MAPK1IP1L: variants seen among roughly 807,000 people sequenced by gnomAD.
MAPK1IP1L encodes the protein MAPK-interacting and spindle-stabilizing protein-like.
Under a neutral mutation model 18.1 loss-of-function variants are expected in MAPK1IP1L, and 10 were observed. The observed-to-expected ratio is 0.55, with a 90% CI of 0.34 to 0.94. The LOEUF is 0.94. Among genes scored for constraint, MAPK1IP1L ranks in the 40% least tolerant of loss-of-function variants. The pLI is 0.02. For synonymous variants in MAPK1IP1L, 115 were observed against 117.3 expected (o/e 0.98, Z 0.13); for missense variants, 260 against 318.2 (o/e 0.82, Z 1.39).
rs1416584636 is a variant in MAPK1IP1L, at chr14:55,067,894, GAA to G, written c.*3268_*3269del. 2 of 152,210 alleles carry G rather than the reference GAA, an allele frequency of 1.3e-5. No individual in the cohort carries two copies. Among genetic ancestry groups the G allele is most frequent in the African/African-American group, 4.8e-5 (2 of 41,452 alleles). The allele number at this position is 152,210 out of a possible 1,614,324, so 9.4% of individuals were successfully genotyped here. A position where few individuals can be genotyped will look rare whatever the true frequency, so the allele number is the denominator to read the frequency against. ...TAATGGAAATAGTTGAGGTGTTCAG[GAA>G]TGCTGTTTCTTGGAGTTGGAAGCTT... On this transcript the variant is annotated 3_prime_UTR_variant, in exon 4 of 4. Transcript: ENST00000395468.
chr14:55,059,225 G>GAAAAAAAAAAAAAAAAAAAGAAAAATTAA (rs2042795688), intron 1 of MAPK1IP1L, among the ~76,000 whole-genome samples: 1 of 63,280 alleles, frequency 1.6e-5, no homozygotes. Context: ...AGGAAAATCT[G>GAAAAAAAAAAAAAAAAAAAGAAAAATTAA]AAAAAAAAAA....
chr14:55,065,462 C>T lies in MAPK1IP1L; in HGVS notation c.*835C>T, dbSNP rs1325140356. On this transcript the variant is annotated 3_prime_UTR_variant, in exon 4 of 4. Transcript: ENST00000395468. The stretch of plus-strand genomic sequence containing the variant: ...TGTTTTGAACCTCAAACTAGATAAA[C>T]CCTAGGAATTGCTTAACTGCAACAA... 6.6e-6 allele frequency: 1 copy of T among 152,048 alleles called. No individual in the cohort carries two copies. The highest frequency in any genetic ancestry group is 1.5e-5 in the Non-Finnish European group (1 of 68,014). 9.4% of individuals were successfully genotyped at this position (152,048 alleles called of 1,614,324 possible).
At chr14:55,053,737 G>T (rs1208111558) in intron 1 of MAPK1IP1L, among the ~76,000 whole-genome samples, 2 of 151,978 alleles carry the variant, frequency 1.3e-5, no homozygotes, top group African/African-American at 4.8e-5. Context: ...TTTCCCTAGG[G>T]CCCATTTCAC....
intron 1 of MAPK1IP1L, among the ~76,000 whole-genome samples, chr14:55,055,389 A>G (rs1282830800): frequency 6.6e-6 from 1 of 152,192 alleles, no homozygotes; most frequent in Non-Finnish European, 1.5e-5. Context: ...ACAAATTGGA[A>G]TGCTTCCAAT....
In MAPK1IP1L at chr14:55,063,326, G is replaced by A; in HGVS notation, c.726+1G>A. ...TCCACCAATGCCTGGTGGCCCCCAT[G>A]TGAGTGTTCAATTTGTTATTTAAAG... On this transcript the variant is annotated splice_donor_variant, in intron 3 of 3. Coordinates refer to ENST00000395468, the MANE Select transcript of MAPK1IP1L (RefSeq NM_144578.4). LOFTEE classifies it high-confidence loss of function. 6.3e-7 allele frequency: 1 copy of A among 1,599,740 alleles called. No individual in the cohort carries two copies. The highest frequency in any genetic ancestry group is 1.3e-5 in the African/African-American group (1 of 74,572).
chr14:55,068,762 T>C lies in MAPK1IP1L; in HGVS notation c.*4135T>C, dbSNP rs528418258. On this transcript the variant is annotated 3_prime_UTR_variant, in exon 4 of 4. Transcript: ENST00000395468. Reference sequence around the variant, plus strand: ...AATAAAATAATCAGTATTTTGTAAATGGCAGGCAAGCTTCTGGCTGTCGAA... The same window carrying C: ...AATAAAATAATCAGTATTTTGTAAACGGCAGGCAAGCTTCTGGCTGTCGAA... 1 of 152,360 alleles carries C rather than the reference T, an allele frequency of 6.6e-6. No individual in the cohort carries two copies. Among genetic ancestry groups the C allele is most frequent in the South Asian group, 2.1e-4 (1 of 4,830 alleles). 9.4% of individuals were successfully genotyped at this position (152,360 alleles called of 1,614,324 possible). A position where few individuals can be genotyped will look rare whatever the true frequency, so the allele number is the denominator to read the frequency against.
chr14:55,069,815 A>G lies in MAPK1IP1L; in HGVS notation c.*5188A>G, dbSNP rs956266866. On this transcript the variant is annotated 3_prime_UTR_variant, in exon 4 of 4. Coordinates refer to ENST00000395468, the MANE Select transcript of MAPK1IP1L (RefSeq NM_144578.4). The stretch of plus-strand genomic sequence containing the variant: ...CCAGATTATCCGTATATATGATAAT[A>G]TGAAGTCAGGGAACTTTCTCTGTCT... 3 of 152,192 alleles carry G rather than the reference A, an allele frequency of 2.0e-5. No homozygotes were observed. Among genetic ancestry groups the G allele is most frequent in the Non-Finnish European group, 2.9e-5 (2 of 68,032 alleles). 9.4% of individuals were successfully genotyped at this position (152,192 alleles called of 1,614,324 possible). A position where few individuals can be genotyped will look rare whatever the true frequency, so the allele number is the denominator to read the frequency against.
At chr14:55,064,226 T>G (rs577995242) in intron 3 of MAPK1IP1L, among the ~76,000 whole-genome samples, 1 of 151,226 alleles carries the variant, frequency 6.6e-6, no homozygotes, top group South Asian at 2.1e-4. Flanking sequence ...ACTCCTGACC[T>G]CAAGTGATCC....
Position 55,065,468 on chromosome 14 carries a change from G to C in MAPK1IP1L, c.*841G>C, listed in dbSNP as rs2042855041. The C allele has an allele frequency of 1.3e-5, 2 of 152,078 alleles. No individual in the cohort carries two copies. Among genetic ancestry groups the C allele is most frequent in the Admixed American group, 6.6e-5 (1 of 15,264 alleles). The allele number at this position is 152,078 out of a possible 1,614,324, so 9.4% of individuals were successfully genotyped here. On this transcript the variant is annotated 3_prime_UTR_variant, in exon 4 of 4. Coordinates refer to ENST00000395468, the MANE Select transcript of MAPK1IP1L (RefSeq NM_144578.4). ...GAACCTCAAACTAGATAAACCCTAG[G>C]AATTGCTTAACTGCAACAAGTAATT...
intron 1 of MAPK1IP1L, among the ~76,000 whole-genome samples, chr14:55,056,609 G>A (rs1204732127): frequency 3.9e-5 from 6 of 151,956 alleles, no homozygotes; most frequent in Non-Finnish European, 5.9e-5. Context: ...TCCTGGGTTC[G>A]CGCCATTCTC....
Position 55,062,707 on chromosome 14 carries a change from C to T in MAPK1IP1L, c.108C>T (p.Gly36=). The T allele has an allele frequency of 6.2e-7, 1 of 1,614,212 alleles. No individual in the cohort carries two copies. Among genetic ancestry groups the T allele is most frequent in the Non-Finnish European group, 8.5e-7 (1 of 1,180,030 alleles). The change falls in exon 3 of 4, where the codon GGC becomes GGT. Residue 36 remains glycine, a synonymous_variant. Transcript: ENST00000395468. ...GCCAACCTCCTCAAGGCTGGCCAGG[C>T]TCCAACCCTTGGAATAATCCGAGTG... ...KPGQPPQGWP[G]SNPWNNPSAP... is the part of the protein sequence containing the mutation.
At chr14:55,054,589 C>T (rs2042756576) in intron 1 of MAPK1IP1L, among the ~76,000 whole-genome samples, 1 of 152,170 alleles carries the variant, frequency 6.6e-6, no homozygotes, top group Non-Finnish European at 1.5e-5. Flanking sequence ...ATTTTCTGTG[C>T]AGTGGGCAGG....
chr14:55,052,626 A>C (rs2042739649), intron 1 of MAPK1IP1L, among the ~76,000 whole-genome samples: 1 of 152,232 alleles, frequency 6.6e-6, no homozygotes, highest in Non-Finnish European at 1.5e-5. Flanking sequence ...AGAGAAATAC[A>C]CACCTGGGGG....
At chr14:55,059,672 G>A (rs1488229131) in intron 1 of MAPK1IP1L, among the ~76,000 whole-genome samples, 1 of 152,198 alleles carries the variant, frequency 6.6e-6, no homozygotes, top group Non-Finnish European at 1.5e-5. Flanking sequence ...TACTGGGTTT[G>A]AACTGCTTCT....
chr14:55,064,371 A>G (rs368893491), intron 3 of MAPK1IP1L, among the ~76,000 whole-genome samples: 1 of 152,098 alleles, frequency 6.6e-6, no homozygotes, highest in South Asian at 2.1e-4. Context: ...CAAACATCCA[A>G]TCCAGCTATA....
At chr14:55,056,855 G>A (rs2042776415) in intron 1 of MAPK1IP1L, among the ~76,000 whole-genome samples, 1 of 152,118 alleles carries the variant, frequency 6.6e-6, no homozygotes, top group Non-Finnish European at 1.5e-5. Flanking sequence ...GTTGGGATAG[G>A]CTTGGGTTCT....
chr14:55,051,651 C>T lies in MAPK1IP1L; in HGVS notation c.-157C>T, dbSNP rs781476251. On this transcript the variant is annotated 5_prime_UTR_variant, in exon 1 of 4. Coordinates refer to ENST00000395468, the MANE Select transcript of MAPK1IP1L (RefSeq NM_144578.4). ...GGCGGAGGCGGTGCGCTCGGCGCTT[C>T]CTGTTCCGGCGCCAGGAGGAGCCGC... 7 of 511,660 alleles carry T rather than the reference C, an allele frequency of 1.4e-5. No homozygotes were observed. The highest frequency in any genetic ancestry group is 3.9e-5 in the Admixed American group (2 of 50,808). 31.7% of individuals were successfully genotyped at this position (511,660 alleles called of 1,614,324 possible).
At chr14:55,059,225 G>GAAAAAAAAAAAAA (rs3078612) in intron 1 of MAPK1IP1L, among the ~76,000 whole-genome samples, 16 of 63,270 alleles carry the variant, frequency 2.5e-4, no homozygotes, top group Admixed American at 4.0e-4. Context: ...AGGAAAATCT[G>GAAAAAAAAAAAAA]AAAAAAAAAA....
rs376421904 is a variant in MAPK1IP1L at position 55,051,695 on chromosome 14, C to T, written c.-113C>T. 1 of 516,206 alleles carries T rather than the reference C, an allele frequency of 1.9e-6. No homozygotes were observed. The highest frequency in any genetic ancestry group is 3.9e-6 in the Non-Finnish European group (1 of 259,498). 32.0% of individuals were successfully genotyped at this position (516,206 alleles called of 1,614,324 possible). Reference sequence around the variant, plus strand: ...GAGCCGCGCGCTGCTGGTGCTGTTGCCGCCGCTGCTCTAGCTGCCGTCAGT... The same window carrying T: ...GAGCCGCGCGCTGCTGGTGCTGTTGTCGCCGCTGCTCTAGCTGCCGTCAGT... On this transcript the variant is annotated 5_prime_UTR_variant, in exon 1 of 4. Transcript: ENST00000395468.
Sources: allele counts gnomAD v4.1 joint callset (sites outside exome capture counted in the v4.1 genomes callset), GRCh38; gene constraint gnomAD v4.1.1; transcripts MANE v1.5; gene names NCBI Gene and HGNC (gene_info 2026-07-23, HGNC 2026-07-21).